CNTNAP2: variants seen among roughly 807,000 people sequenced by gnomAD.
CNTNAP2 encodes contactin associated protein 2, also known as contactin-associated protein-like 2.
Under a neutral mutation model 155.2 loss-of-function variants are expected in CNTNAP2, and 98 were observed. That is an observed-to-expected ratio of 0.63 (90% CI 0.54 to 0.75). CNTNAP2 has a LOEUF of 0.75. Among genes scored for constraint, CNTNAP2 ranks in the 30% least tolerant of loss-of-function variants. The pLI is 0.00. For synonymous variants in CNTNAP2, 651 were observed against 631.2 expected, an observed-to-expected ratio of 1.03 and a Z score of -0.47; for missense variants, 1,727 against 1,688.1, an observed-to-expected ratio of 1.02 and a Z score of -0.40.
At chr7:148,333,976 T>C (rs1798074747) in intron 21 of CNTNAP2, among the ~76,000 whole-genome samples, 1 of 152,232 alleles carries the variant, frequency 6.6e-6, no homozygotes, top group Admixed American at 6.5e-5. Context: ...CCCCATGACA[T>C]CAGTCTTCCC....
chr7:147,048,455 A>G (rs1326329691), intron 4 of CNTNAP2, among the ~76,000 whole-genome samples: 2 of 152,186 alleles, frequency 1.3e-5, no homozygotes, highest in Non-Finnish European at 2.9e-5. Context: ...GAAGTTGTGA[A>G]AGAACAAATT....
intron 9 of CNTNAP2, among the ~76,000 whole-genome samples, chr7:147,345,785 C>G (rs1017551766): frequency 6.6e-6 from 1 of 152,138 alleles, no homozygotes; most frequent in Non-Finnish European, 1.5e-5. Context: ...ATTTGTAATA[C>G]TTTGGAATTA....
chr7:146,119,188 C>T (rs567678312), intron 1 of CNTNAP2, among the ~76,000 whole-genome samples: 2 of 152,062 alleles, frequency 1.3e-5, no homozygotes, highest in South Asian at 4.2e-4. Flanking sequence ...CATCACAAGA[C>T]AAAAAGTAGC....
intron 1 of CNTNAP2, among the ~76,000 whole-genome samples, chr7:146,764,685 C>T (rs1802165028): frequency 6.6e-6 from 1 of 152,084 alleles, no homozygotes; most frequent in Non-Finnish European, 1.5e-5. Context: ...GTAATTTGCC[C>T]TTGGTACATG....
intron 8 of CNTNAP2, among the ~76,000 whole-genome samples, chr7:147,208,994 A>T (rs1002625344): frequency 6.6e-6 from 1 of 152,022 alleles, no homozygotes; most frequent in African/African-American, 2.4e-5. Flanking sequence ...TGTACAAGTT[A>T]GATATATAAT....
chr7:146,823,546 C>A (rs1037643065), intron 2 of CNTNAP2, among the ~76,000 whole-genome samples: 1 of 142,522 alleles, frequency 7.0e-6, no homozygotes, highest in Non-Finnish European at 1.5e-5. Context: ...GAAATATACT[C>A]ATTCTTCAGT....
chr7:148,246,508 A>T (rs1796266115), intron 20 of CNTNAP2, among the ~76,000 whole-genome samples: 1 of 152,172 alleles, frequency 6.6e-6, no homozygotes, highest in Admixed American at 6.5e-5. Context: ...AATAAAGTAA[A>T]AGCAACTGGG....
At chr7:148,137,826 C>G (rs1212532228) in intron 16 of CNTNAP2, among the ~76,000 whole-genome samples, 1 of 152,136 alleles carries the variant, frequency 6.6e-6, no homozygotes, top group African/African-American at 2.4e-5. Flanking sequence ...CACTATTTGT[C>G]CAATACTGCA....
intron 1 of CNTNAP2, among the ~76,000 whole-genome samples, chr7:146,353,596 C>T (rs973765256): frequency 2.6e-5 from 4 of 152,120 alleles, no homozygotes; most frequent in Non-Finnish European, 1.5e-5. Context: ...GACTAATAGG[C>T]ATCTGAGTGA....
intron 14 of CNTNAP2, among the ~76,000 whole-genome samples, chr7:147,918,885 C>T (rs367919064): frequency 6.6e-6 from 1 of 152,176 alleles, no homozygotes; most frequent in East Asian, 1.9e-4. Context: ...ATTCCCAGAA[C>T]CTGTGAAGGT....
chr7:147,216,141 C>A (rs1333604727), intron 8 of CNTNAP2, among the ~76,000 whole-genome samples: 3 of 142,478 alleles, frequency 2.1e-5, no homozygotes, highest in Non-Finnish European at 4.6e-5. Context: ...TTTTTTTTTT[C>A]ATCTTCTTTA....
chr7:147,365,919 C>T (rs1173646022), intron 9 of CNTNAP2, among the ~76,000 whole-genome samples: 2 of 152,032 alleles, frequency 1.3e-5, no homozygotes, highest in Middle Eastern at 3.2e-3. Context: ...AATTATTTGC[C>T]AGTCTGTTCT....
intron 1 of CNTNAP2, among the ~76,000 whole-genome samples, chr7:146,589,359 T>A (rs1203721510): frequency 2.6e-5 from 4 of 152,116 alleles, no homozygotes; most frequent in Non-Finnish European, 4.4e-5. Flanking sequence ...CAAATGCCCA[T>A]CAGTAATAGA....
At chr7:148,247,561 A>G (rs1019533335) in intron 20 of CNTNAP2, among the ~76,000 whole-genome samples, 5 of 151,300 alleles carry the variant, frequency 3.3e-5, no homozygotes, top group African/African-American at 1.2e-4. Flanking sequence ...GGCAATAGTT[A>G]TCTATGCTTG....
At chr7:146,120,565 G>C (rs1212274883) in intron 1 of CNTNAP2, among the ~76,000 whole-genome samples, 1 of 152,086 alleles carries the variant, frequency 6.6e-6, no homozygotes, top group East Asian at 1.9e-4. Context: ...AAAGTTGTTT[G>C]GTGCATATCA....
At position 146,721,889 on chromosome 7, in the gene CNTNAP2, A is replaced by ATTTTTTTTTTTTTTT. The variant is rs71527797; in HGVS notation, c.98-52379_98-52365dup. 3.2e-4 allele frequency among the ~76,000 whole-genome samples: 22 copies of ATTTTTTTTTTTTTTT among 69,704 alleles called. 1 individual carries two copies. In the African/African-American group the frequency reaches 3.4e-3, roughly 11 times the overall value. 45.7% of individuals were successfully genotyped at this position (69,704 alleles called of 152,430 possible). ...TGTGTGTGTGTGTATATATATATAT[A>ATTTTTTTTTTTTTTT]TTTTTTTTTTTTTTTTTGAGATGGA... On this transcript the variant is annotated intron_variant, in intron 1 of 23. Coordinates refer to ENST00000361727, the MANE Select transcript of CNTNAP2 (RefSeq NM_014141.6).
chr7:146,521,494 A>G (rs1797616415), intron 1 of CNTNAP2, among the ~76,000 whole-genome samples: 1 of 152,016 alleles, frequency 6.6e-6, no homozygotes, highest in South Asian at 2.1e-4. Context: ...TCTCTGTGGA[A>G]GAAGGTGAAC....
chr7:146,614,637 A>G (rs1799194432), intron 1 of CNTNAP2, among the ~76,000 whole-genome samples: 1 of 152,338 alleles, frequency 6.6e-6, no homozygotes, highest in South Asian at 2.1e-4. Context: ...TAGTCTTGTC[A>G]AATGTTGTGC....
intron 1 of CNTNAP2, among the ~76,000 whole-genome samples, chr7:146,424,938 T>A (rs908123448): frequency 3.3e-5 from 5 of 151,940 alleles, no homozygotes; most frequent in African/African-American, 9.7e-5. Flanking sequence ...GAAAAAAAAA[T>A]TTACAAATGA....
Sources: allele counts gnomAD v4.1 joint callset (sites outside exome capture counted in the v4.1 genomes callset), GRCh38; gene constraint gnomAD v4.1.1; transcripts MANE v1.5; gene names NCBI Gene and HGNC (gene_info 2026-07-23, HGNC 2026-07-21).